The following CSTPP1 variants were observed in gnomAD, a reference collection of about 807,000 sequenced individuals.
The protein encoded by CSTPP1 is UPF0705 protein C11orf49.
the CSTPP1 span, among the ~76,000 whole-genome samples, chr11:46,956,177 G>A: frequency 6.6e-6 from 1 of 152,240 alleles, no homozygotes; most frequent in Non-Finnish European, 1.5e-5. Flanking sequence ...GAACAGAAAA[G>A]AGGGCAGGGT....
At chr11:47,066,937 C>A in the CSTPP1 span, among the ~76,000 whole-genome samples, 1 of 152,030 alleles carries the variant, frequency 6.6e-6, no homozygotes, top group Non-Finnish European at 1.5e-5. Context: ...TTATTTGTGA[C>A]CAGAAACATG....
At chr11:46,981,251 A>G in the CSTPP1 span, among the ~76,000 whole-genome samples, 2 of 151,842 alleles carry the variant, frequency 1.3e-5, no homozygotes, top group Non-Finnish European at 2.9e-5. Context: ...ATCTCCAGAC[A>G]TTGTTGATTA....
the CSTPP1 span, among the ~76,000 whole-genome samples, chr11:46,996,424 C>T: frequency 6.6e-6 from 1 of 152,086 alleles, no homozygotes; most frequent in African/African-American, 2.4e-5. Flanking sequence ...CTGCCTCAGC[C>T]TCCCGTCTAG....
the CSTPP1 span, among the ~76,000 whole-genome samples, chr11:46,946,451 G>A: frequency 2.6e-5 from 4 of 152,340 alleles, no homozygotes; most frequent in Admixed American, 2.0e-4. Context: ...GAGGTCAGGA[G>A]ATCGAGACCA....
At chr11:46,974,337 G>A in the CSTPP1 span, among the ~76,000 whole-genome samples, 2 of 151,942 alleles carry the variant, frequency 1.3e-5, no homozygotes, top group African/African-American at 4.8e-5. Flanking sequence ...AGACCAGCCT[G>A]TCCAAGATGG....
the CSTPP1 span, chr11:47,103,785 G>A: frequency 7.3e-6 from 1 of 137,146 alleles, no homozygotes; most frequent in Non-Finnish European, 1.5e-5. Context: ...TGCGATTCTT[G>A]TGCTTCAGCC....
chr11:47,158,032 C>A, the CSTPP1 span: 1 of 962,958 alleles, frequency 1.0e-6, no homozygotes, highest in East Asian at 2.4e-5. Flanking sequence ...CCATCTCTGC[C>A]TTGACTTCCC....
At chr11:47,153,035 G>A in the CSTPP1 span, among the ~76,000 whole-genome samples, 7 of 152,140 alleles carry the variant, frequency 4.6e-5, no homozygotes, top group Non-Finnish European at 7.4e-5. Context: ...GAGCGCTCCC[G>A]GGGGAGCTCA....
the CSTPP1 span, among the ~76,000 whole-genome samples, chr11:46,947,432 A>G: frequency 6.6e-6 from 1 of 152,240 alleles, no homozygotes; most frequent in African/African-American, 2.4e-5. Context: ...TTTCCCAAAC[A>G]CAACTGAACT....
At chr11:47,151,400 C>CA in the CSTPP1 span, among the ~76,000 whole-genome samples, 36,332 of 137,256 alleles carry the variant, frequency 0.26, 5,022 homozygotes, top group East Asian at 0.66. Context: ...GACTCCATCT[C>CA]AAAAAAAAAA....
the CSTPP1 span, among the ~76,000 whole-genome samples, chr11:47,086,439 A>T: frequency 6.6e-6 from 1 of 151,882 alleles, no homozygotes; most frequent in South Asian, 2.1e-4. Context: ...AATTAAGAAA[A>T]GGAAGTTGGG....
the CSTPP1 span, among the ~76,000 whole-genome samples, chr11:47,045,828 C>T: frequency 6.6e-6 from 1 of 151,618 alleles, no homozygotes; most frequent in African/African-American, 2.4e-5. Context: ...ACTCTGATGC[C>T]CAGGCTGGAG....
chr11:46,964,808 C>T, the CSTPP1 span, among the ~76,000 whole-genome samples: 2 of 152,104 alleles, frequency 1.3e-5, no homozygotes, highest in African/African-American at 4.8e-5. Flanking sequence ...ACTGAGACTA[C>T]GAGTATTGCC....
At chr11:46,986,441 A>G in the CSTPP1 span, among the ~76,000 whole-genome samples, 2 of 144,174 alleles carry the variant, frequency 1.4e-5, no homozygotes, top group East Asian at 2.0e-4. Context: ...TTTTTTTTCT[A>G]ATTTAAATTA....
the CSTPP1 span, among the ~76,000 whole-genome samples, chr11:47,050,000 G>A: frequency 6.6e-6 from 1 of 152,092 alleles, no homozygotes; most frequent in Non-Finnish European, 1.5e-5. Flanking sequence ...AAAGCTACTC[G>A]TTAACATATA....
the CSTPP1 span, among the ~76,000 whole-genome samples, chr11:46,995,648 G>A: frequency 2.0e-5 from 3 of 152,190 alleles, no homozygotes; most frequent in Non-Finnish European, 2.9e-5. Flanking sequence ...GAGACAGTTT[G>A]TTATAATTTC....
chr11:47,152,991 A>G, the CSTPP1 span, among the ~76,000 whole-genome samples: 4 of 152,176 alleles, frequency 2.6e-5, no homozygotes, highest in African/African-American at 9.7e-5. Context: ...CCTGCCAAGG[A>G]AAAGCTTTGA....
chr11:47,077,029 T>C, the CSTPP1 span, among the ~76,000 whole-genome samples: 1 of 149,414 alleles, frequency 6.7e-6, no homozygotes, highest in Non-Finnish European at 1.5e-5. Flanking sequence ...TTTGAAGTTC[T>C]AGAAAGAGAA....
chr11:47,073,537 A>C, the CSTPP1 span, among the ~76,000 whole-genome samples: 1 of 152,106 alleles, frequency 6.6e-6, no homozygotes, highest in African/African-American at 2.4e-5. Context: ...TTTTTTGAGA[A>C]ATATTTTAAA....
Sources: gnomAD v4.1 joint callset for allele counts (sites outside exome capture counted in the v4.1 genomes callset) on GRCh38, gnomAD v4.1.1 for gene constraint, MANE v1.5 for transcripts, NCBI Gene and HGNC (gene_info 2026-07-23, HGNC 2026-07-21) for gene names.